The following PTPRM variants were observed in gnomAD, a reference collection of about 807,000 sequenced individuals.
PTPRM encodes the protein receptor-type tyrosine-protein phosphatase mu.
Under a neutral mutation model 186.7 loss-of-function variants are expected in PTPRM, and 47 were observed. The ratio of observed to expected loss-of-function variants is 0.25; its 90% CI spans 0.20 to 0.32. The LOEUF (loss-of-function observed/expected upper bound fraction) is 0.32, where lower values mean the gene tolerates loss of function less well. PTPRM is among the 10% of genes least tolerant of loss of function. PTPRM has a pLI of 1.00. For synonymous variants in PTPRM, 668 were observed against 674.9 expected (o/e 0.99, Z 0.16); for missense variants, 1,494 against 1,865.0 (o/e 0.80, Z 3.66).
intron 7 of PTPRM, among the ~76,000 whole-genome samples, chr18:8,055,254 A>G (rs2148304207): frequency 6.6e-6 from 1 of 152,202 alleles, no homozygotes; most frequent in African/African-American, 2.4e-5. Flanking sequence ...TGGAATGCCA[A>G]TTAGACATAG....
intron 2 of PTPRM, among the ~76,000 whole-genome samples, chr18:7,856,252 G>A (rs1490932683): frequency 6.6e-6 from 1 of 152,068 alleles, no homozygotes; most frequent in African/African-American, 2.4e-5. Flanking sequence ...ATAGTTACCT[G>A]TCTTGATTGC....
At chr18:8,112,802 T>G (rs1459705654) in intron 11 of PTPRM, among the ~76,000 whole-genome samples, 1 of 152,198 alleles carries the variant, frequency 6.6e-6, no homozygotes, top group East Asian at 1.9e-4. Flanking sequence ...GCAGGCGTCT[T>G]CAGAGATACC....
intron 21 of PTPRM, among the ~76,000 whole-genome samples, chr18:8,318,816 A>C (rs1335496374): frequency 6.6e-6 from 1 of 152,264 alleles, no homozygotes; most frequent in East Asian, 1.9e-4. Flanking sequence ...GCATATTGCC[A>C]ATGACATCCC....
intron 14 of PTPRM, among the ~76,000 whole-genome samples, chr18:8,159,966 G>A (rs1447820590): frequency 1.3e-5 from 2 of 151,980 alleles, no homozygotes; most frequent in African/African-American, 4.8e-5. Flanking sequence ...GTAGTAGTAT[G>A]AATTTGTTAA....
At chr18:8,316,008 T>G (rs2095306647) in intron 21 of PTPRM, among the ~76,000 whole-genome samples, 1 of 152,218 alleles carries the variant, frequency 6.6e-6, no homozygotes, top group Non-Finnish European at 1.5e-5. Context: ...GCACTTACTC[T>G]TTTAATCAGC....
intron 7 of PTPRM, among the ~76,000 whole-genome samples, chr18:8,012,061 C>G (rs1165158582): frequency 2.6e-5 from 4 of 152,162 alleles, no homozygotes; most frequent in East Asian, 3.9e-4. Context: ...TGGTTACTCT[C>G]TAGTGGACCT....
intron 2 of PTPRM, among the ~76,000 whole-genome samples, chr18:7,862,069 C>T (rs1287061157): frequency 6.6e-6 from 1 of 152,126 alleles, no homozygotes; most frequent in Non-Finnish European, 1.5e-5. Context: ...ATGCCGTGTA[C>T]ACCTTTGGCA....
chr18:8,072,337 G>T (rs1210860075), intron 8 of PTPRM, among the ~76,000 whole-genome samples: 1 of 152,140 alleles, frequency 6.6e-6, no homozygotes, highest in Non-Finnish European at 1.5e-5. Flanking sequence ...TCATGAGCTA[G>T]GAATTCTGTT....
At chr18:8,138,894 G>A (rs542569028) in intron 13 of PTPRM, among the ~76,000 whole-genome samples, 18 of 152,090 alleles carry the variant, frequency 1.2e-4, no homozygotes, top group African/African-American at 2.9e-4. Context: ...TGGCTGCTCC[G>A]TGCGGATGCT....
In PTPRM at chr18:8,344,474, A is replaced by ATATATATATATC. The variant is rs1318982857; in HGVS notation, c.3054+955_3054+956insATATATATATCT. Reference sequence around the variant, plus strand: ...TATATATATATATATATATATATATATCTAGCAAAAATGGCACATTAACCT... The same window carrying ATATATATATATC: ...TATATATATATATATATATATATATATATATATATATCTCTAGCAAAAATGGCACATTAACCT... On this transcript the variant is annotated intron_variant, in intron 23 of 32. Coordinates refer to ENST00000580170, the MANE Select transcript of PTPRM (RefSeq NM_001105244.2). 2.7e-3 allele frequency among the ~76,000 whole-genome samples: 400 copies of ATATATATATATC among 147,228 alleles called. 6 individuals carry two copies. Among genetic ancestry groups the ATATATATATATC allele is most frequent in the African/African-American group, 9.6e-3 (370 of 38,634 alleles).
chr18:8,035,566 A>T (rs2086268253), intron 7 of PTPRM, among the ~76,000 whole-genome samples: 1 of 152,096 alleles, frequency 6.6e-6, no homozygotes, highest in South Asian at 2.1e-4. Flanking sequence ...TATTTGTATT[A>T]TTTTTATTGT....
chr18:7,972,323 A>T (rs1239343457), intron 7 of PTPRM, among the ~76,000 whole-genome samples: 1 of 63,186 alleles, frequency 1.6e-5, no homozygotes, highest in East Asian at 4.4e-4. Context: ...GGGTAGGGGG[A>T]GGGGGGAGGG....
At chr18:7,659,283 G>A (rs1450161243) in intron 1 of PTPRM, among the ~76,000 whole-genome samples, 1 of 151,972 alleles carries the variant, frequency 6.6e-6, no homozygotes, top group East Asian at 1.9e-4. Flanking sequence ...CCTCTGCTCT[G>A]TATTCTCTGA....
At chr18:7,601,061 G>A (rs1348663413) in intron 1 of PTPRM, among the ~76,000 whole-genome samples, 1 of 152,198 alleles carries the variant, frequency 6.6e-6, no homozygotes, top group African/African-American at 2.4e-5. Context: ...CCTGCATTGG[G>A]GCTGCAGAAG....
intron 7 of PTPRM, among the ~76,000 whole-genome samples, chr18:7,975,181 T>C (rs2147358444): frequency 6.6e-6 from 1 of 152,294 alleles, no homozygotes; most frequent in Admixed American, 6.5e-5. Flanking sequence ...TAAAAATAGG[T>C]GCAGCCTGTT....
intron 5 of PTPRM, among the ~76,000 whole-genome samples, chr18:7,947,189 C>G (rs2052590072): frequency 6.6e-6 from 1 of 152,194 alleles, no homozygotes; most frequent in Non-Finnish European, 1.5e-5. Flanking sequence ...ATTCATCACT[C>G]AGGTGTTCCG....
intron 15 of PTPRM, 38 bp downstream of exon 15, chr18:8,244,247 T>C (rs766094714): frequency 5.6e-5 from 83 of 1,488,146 alleles, no homozygotes; most frequent in Non-Finnish European, 7.3e-5. Context: ...ACACATCTCC[T>C]TGGTTTTGCA....
rs1030554950 is a variant in PTPRM, at chr18:7,926,754, C to T, written c.663+71C>T. 7 of 1,124,082 alleles carry T rather than the reference C, an allele frequency of 6.2e-6. No homozygotes were observed. The East Asian group carries it at 1.8e-4, about 29-fold the overall frequency. The allele number at this position is 1,124,082 out of a possible 1,614,324, so 69.6% of individuals were successfully genotyped here. On this transcript the variant is annotated intron_variant, in intron 5 of 32. Coordinates refer to ENST00000580170, the MANE Select transcript of PTPRM (RefSeq NM_001105244.2). ...AATACACTCCCCCTGGAGGAGGAAC[C>T]CAGAGAAACAGACTCAGGTCCTAGT...
At chr18:7,921,688 A>AT (rs1599520300) in intron 4 of PTPRM, among the ~76,000 whole-genome samples, 2 of 152,014 alleles carry the variant, frequency 1.3e-5, no homozygotes, top group South Asian at 4.2e-4. Context: ...CCTCTAATGA[A>AT]TTTTTTAATT....
Sources: gnomAD v4.1 joint callset for allele counts (sites outside exome capture counted in the v4.1 genomes callset) on GRCh38, gnomAD v4.1.1 for gene constraint, MANE v1.5 for transcripts, NCBI Gene and HGNC (gene_info 2026-07-23, HGNC 2026-07-21) for gene names.